B3GAT1: variants seen among roughly 807,000 people sequenced by gnomAD.
B3GAT1 encodes the protein galactosylgalactosylxylosylprotein 3-beta-glucuronosyltransferase 1.
A neutral mutation model predicts 28.4 loss-of-function variants in B3GAT1; 11 were observed. The observed-to-expected ratio is 0.39, with a 90% confidence interval of 0.24 to 0.64. The LOEUF (loss-of-function observed/expected upper bound fraction) is 0.64. Among genes scored for constraint, B3GAT1 ranks in the 30% least tolerant of loss-of-function variants. The probability of loss-of-function intolerance (pLI) is 0.50; values close to 1 mark genes in which losing one functional copy is unlikely to be tolerated. For missense variants in B3GAT1, 375 were observed against 491.0 expected (o/e 0.76, Z 2.23); for synonymous variants, 255 against 223.1 (o/e 1.14, Z -1.27).
At chr11:134,382,645 G>A in intron 4 of B3GAT1, 65 bp downstream of exon 4, 3 of 1,553,198 alleles carry the variant, frequency 1.9e-6, no homozygotes, top group Non-Finnish European at 1.8e-6. Flanking sequence ...CTCCCGATCT[G>A]TAGGGAGGGT....
chr11:134,395,986 G>C (rs988805675), intron 1 of B3GAT1, among the ~76,000 whole-genome samples: 5 of 152,162 alleles, frequency 3.3e-5, no homozygotes, highest in African/African-American at 1.2e-4. Context: ...CCTGCTGGCT[G>C]TTAGCTGGGA....
intron 2 of B3GAT1, chr11:134,386,206 G>A (rs532152120): frequency 5.1e-4 from 78 of 152,338 alleles, no homozygotes; most frequent in African/African-American, 1.8e-3. Context: ...GGGTTTGCAG[G>A]ACTTGGTATT....
intron 2 of B3GAT1, chr11:134,387,273 C>A: frequency 2.4e-6 from 1 of 414,326 alleles, no homozygotes; most frequent in South Asian, 3.7e-5. Flanking sequence ...GCAGGGCGTG[C>A]CCCCTCCTCT....
chr11:134,383,536 T>G, intron 3 of B3GAT1, 144 bp downstream of exon 3: 1 of 1,136,952 alleles, frequency 8.8e-7, no homozygotes, highest in Non-Finnish European at 1.2e-6. Flanking sequence ...TCCCTTTCCC[T>G]GGCTCTCTGC....
intron 1 of B3GAT1, among the ~76,000 whole-genome samples, chr11:134,402,187 G>A (rs902286187): frequency 6.6e-6 from 1 of 152,174 alleles, no homozygotes. Context: ...TTCAGGTGGG[G>A]AGACTGAGGT....
At chr11:134,394,949 T>TA (rs887396370) in intron 1 of B3GAT1, among the ~76,000 whole-genome samples, 2 of 152,206 alleles carry the variant, frequency 1.3e-5, no homozygotes, top group African/African-American at 4.8e-5. Flanking sequence ...TATGATTCAG[T>TA]AAAAAATGGA....
intron 5 of B3GAT1, 133 bp from the exon 6 acceptor site, chr11:134,380,880 G>C (rs75003355): frequency 0.035 from 5,322 of 152,648 alleles, 305 homozygotes; most frequent in African/African-American, 0.12. Flanking sequence ...CTGAGGGGCA[G>C]GTGGGGAAGG....
chr11:134,396,188 G>A (rs1944502022), intron 1 of B3GAT1, among the ~76,000 whole-genome samples: 1 of 152,220 alleles, frequency 6.6e-6, no homozygotes. Flanking sequence ...CTAGGAGCTG[G>A]TCACGAATGC....
At position 134,393,489 on chromosome 11, in the gene B3GAT1, G is replaced by A. The variant is rs748365595; in HGVS notation, c.-281-5549C>T. Among the ~76,000 whole-genome samples the A allele has an allele frequency of 4.6e-5, 7 of 152,202 alleles. No homozygotes were observed. The highest frequency in any genetic ancestry group is 1.0e-4 in the Non-Finnish European group (7 of 68,048). On this transcript the variant is annotated intron_variant, in intron 1 of 5. Coordinates refer to ENST00000312527, the MANE Select transcript of B3GAT1 (RefSeq NM_054025.3). The surrounding 1 kb of genome is among the most constrained non-coding windows in gnomAD (Gnocchi z 4.0). ...TTCTTCAAAGTGATTCAAGGGCTGA[G>A]GAGCACTTGGTGAGCAGTCTGAGTG...
chr11:134,387,732 G>A lies in B3GAT1; in HGVS notation c.-73C>T, dbSNP rs1287091246. Reference sequence around the variant, plus strand: ...AAGTTCAGGAGAGGGGCGGCCACGGGCGGCGGCAGCACAGGGGAGAAAAGA... The same window carrying A: ...AAGTTCAGGAGAGGGGCGGCCACGGACGGCGGCAGCACAGGGGAGAAAAGA... On this transcript the variant is annotated 5_prime_UTR_variant, in exon 2 of 6. Coordinates refer to ENST00000312527, the MANE Select transcript of B3GAT1 (RefSeq NM_054025.3). The A allele has an allele frequency of 1.9e-6, 3 of 1,593,700 alleles. No homozygotes were observed. The highest frequency in any genetic ancestry group is 1.8e-5 in the Admixed American group (1 of 56,592).
Position 134,387,759 on chromosome 11 carries a change from C to T in B3GAT1, c.-100G>A, listed in dbSNP as rs1002383482. On this transcript the variant is annotated 5_prime_UTR_variant, in exon 2 of 6. Coordinates refer to ENST00000312527, the MANE Select transcript of B3GAT1 (RefSeq NM_054025.3). ...GGCGGCAGCACAGGGGAGAAAAGAA[C>T]AGGCATGGGCCGGGCCGGCCAGGCA... The T allele has an allele frequency of 5.1e-6, 8 of 1,563,418 alleles. No individual in the cohort carries two copies. In the African/African-American group the frequency reaches 9.5e-5, roughly 19 times the overall value.
chr11:134,390,784 G>A (rs1944394562), intron 1 of B3GAT1: 1 of 152,284 alleles, frequency 6.6e-6, no homozygotes, highest in African/African-American at 2.4e-5. Flanking sequence ...ATTGAGTCCA[G>A]GCCATCTGGC....
At chr11:134,389,613 C>G (rs2136314991) in intron 1 of B3GAT1, 1 of 152,646 alleles carries the variant, frequency 6.6e-6, no homozygotes, top group Middle Eastern at 3.4e-3. Flanking sequence ...CAGCAGGGAC[C>G]CGTGGGGGTG....
intron 3 of B3GAT1, 145 bp downstream of exon 3, chr11:134,383,535 C>T: frequency 1.8e-6 from 2 of 1,135,508 alleles, no homozygotes; most frequent in Non-Finnish European, 2.4e-6. Context: ...ATCCCTTTCC[C>T]TGGCTCTCTG....
intron 1 of B3GAT1, among the ~76,000 whole-genome samples, chr11:134,401,956 G>A (rs1021162653): frequency 7.4e-6 from 1 of 134,502 alleles, no homozygotes; most frequent in African/African-American, 2.7e-5. Context: ...GTGACAAAAG[G>A]GTGTGGCCTG....
chr11:134,398,322 C>T (rs184721409), intron 1 of B3GAT1, among the ~76,000 whole-genome samples: 1 of 152,314 alleles, frequency 6.6e-6, no homozygotes, highest in East Asian at 1.9e-4. Flanking sequence ...AAGAGAGTAG[C>T]TCACGTGCCT....
In B3GAT1 at chr11:134,378,547, A is replaced by T. The variant is rs915122731; in HGVS notation, c.*2215T>A. Reference sequence around the variant, plus strand: ...GTATTTGACTTTTAATTTTGAAAGCAAATTAAATACAGTTAAATTAAAACA... The same window carrying T: ...GTATTTGACTTTTAATTTTGAAAGCTAATTAAATACAGTTAAATTAAAACA... On this transcript the variant is annotated 3_prime_UTR_variant, in exon 6 of 6. Transcript: ENST00000312527. 6.6e-6 allele frequency: 1 copy of T among 152,250 alleles called. No individual in the cohort carries two copies. The highest frequency in any genetic ancestry group is 1.9e-4 in the East Asian group (1 of 5,188). 9.4% of individuals were successfully genotyped at this position (152,250 alleles called of 1,614,324 possible).
chr11:134,396,722 G>T (rs189313508), intron 1 of B3GAT1, among the ~76,000 whole-genome samples: 3 of 152,274 alleles, frequency 2.0e-5, no homozygotes, highest in East Asian at 3.9e-4. Flanking sequence ...GCCAGGAAAC[G>T]GGTCTGCTCG....
intron 1 of B3GAT1, among the ~76,000 whole-genome samples, chr11:134,410,820 G>A (rs868075224): frequency 3.3e-5 from 5 of 152,174 alleles, no homozygotes; most frequent in African/African-American, 7.2e-5. Context: ...TACGACATCC[G>A]TACCCCAACA....
Sources: gnomAD v4.1 joint callset for allele counts (sites outside exome capture counted in the v4.1 genomes callset) on GRCh38, gnomAD v4.1.1 for gene constraint, Gnocchi (gnomAD v3.1) non-coding constraint, MANE v1.5 for transcripts, NCBI Gene and HGNC (gene_info 2026-07-23, HGNC 2026-07-21) for gene names.